Variants in HECTD2 observed in about 807,000 individuals in gnomAD.
HECTD2 encodes the protein HECT domain E3 ubiquitin protein ligase 2.
Under a neutral mutation model 103.2 loss-of-function variants are expected in HECTD2, and 35 were observed. The ratio of observed to expected loss-of-function variants is 0.34; its 90% CI spans 0.26 to 0.45. The LOEUF (loss-of-function observed/expected upper bound fraction) is 0.45. Among genes scored for constraint, HECTD2 ranks in the 20% least tolerant of loss-of-function variants. The probability of loss-of-function intolerance (pLI) is 1.00; values close to 1 mark genes in which losing one functional copy is unlikely to be tolerated. For missense variants in HECTD2, 596 were observed against 937.4 expected, an observed-to-expected ratio of 0.64 and a Z score of 4.76; for synonymous variants, 281 against 329.9, an observed-to-expected ratio of 0.85 and a Z score of 1.61.
chr10:91,457,967 A>G (rs778672081), intron 2 of HECTD2, among the ~76,000 whole-genome samples: 1 of 150,834 alleles, frequency 6.6e-6, no homozygotes, highest in Non-Finnish European at 1.5e-5. Flanking sequence ...AGACATACAG[A>G]TTAGAAAATA....
In HECTD2 at chr10:91,512,259, C is replaced by T. The variant is rs758434719; in HGVS notation, c.2211-5C>T. Reference sequence around the variant, plus strand: ...TTAGTATTTTTTTTTAATTTTTTTCCCTAGCTTACCTGTGGCCCATACCTG... The same window carrying T: ...TTAGTATTTTTTTTTAATTTTTTTCTCTAGCTTACCTGTGGCCCATACCTG... On this transcript the variant is annotated splice_region_variant and splice_polypyrimidine_tract_variant and intron_variant, in intron 20 of 20. Coordinates refer to ENST00000298068, the MANE Select transcript of HECTD2 (RefSeq NM_182765.6). 6.9e-6 allele frequency: 11 copies of T among 1,600,872 alleles called. No homozygotes were observed. The highest frequency in any genetic ancestry group is 2.3e-5 in the South Asian group (2 of 88,764).
chr10:91,455,231 G>T (rs1845030489), intron 2 of HECTD2, among the ~76,000 whole-genome samples: 1 of 152,116 alleles, frequency 6.6e-6, no homozygotes, highest in South Asian at 2.1e-4. Flanking sequence ...TCCAGCACCT[G>T]TTGTTCCCTG....
intron 1 of HECTD2, among the ~76,000 whole-genome samples, chr10:91,424,868 A>G (rs1268821104): frequency 6.6e-6 from 1 of 152,104 alleles, no homozygotes; most frequent in East Asian, 1.9e-4. Flanking sequence ...TCAGCCTGTA[A>G]GGTATCACAT....
intron 5 of HECTD2, among the ~76,000 whole-genome samples, chr10:91,476,458 G>A (rs1386216469): frequency 6.6e-6 from 1 of 152,316 alleles, no homozygotes; most frequent in East Asian, 1.9e-4. Context: ...CTCCCTGATG[G>A]ACTGGGAAGT....
chr10:91,410,313 CGGCGGCAGCGGCGGCTAGA>C, upstream of HECTD2: 1 of 375,806 alleles, frequency 2.7e-6, no homozygotes, highest in South Asian at 1.0e-4. Flanking sequence ...GGCGGAGTGG[CGGCGGCAGCGGCGGCTAGA>C]AGCGGCAGCC....
intron 5 of HECTD2, 189 bp downstream of exon 5, chr10:91,462,373 C>A: frequency 8.9e-7 from 1 of 1,120,368 alleles, no homozygotes; most frequent in Non-Finnish European, 1.2e-6. Context: ...ATGAATTAAG[C>A]AGCAAATACT....
Position 91,496,204 on chromosome 10 carries a change from G to A in HECTD2, c.1522-10G>A, listed in dbSNP as rs752773342. 1 of 1,587,832 alleles carries A rather than the reference G, an allele frequency of 6.3e-7. No homozygotes were observed. Among genetic ancestry groups the A allele is most frequent in the South Asian group, 1.1e-5 (1 of 87,144 alleles). On this transcript the variant is annotated splice_polypyrimidine_tract_variant and intron_variant, in intron 14 of 20. Transcript: ENST00000298068. ...ATTTTATGTTAATGCTTAACATTTA[G>A]TATGCATAGCTTATGGGACTAGCTG...
chr10:91,425,184 T>G (rs1299459326), intron 1 of HECTD2, 97 bp from the exon 2 acceptor site: 6 of 1,033,972 alleles, frequency 5.8e-6, no homozygotes, highest in Non-Finnish European at 6.5e-6. Flanking sequence ...CTACTCGTCA[T>G]CAAATTAAAA....
intron 20 of HECTD2, among the ~76,000 whole-genome samples, chr10:91,506,934 G>C (rs973286561): frequency 3.3e-5 from 5 of 149,858 alleles, no homozygotes; most frequent in African/African-American, 5.1e-5. Context: ...CCATGATCAA[G>C]TGGGCTTCAT....
Position 91,513,489 on chromosome 10 carries a change from T to C in HECTD2, c.*1105T>C, listed in dbSNP as rs1270490986. 1.3e-5 allele frequency: 2 copies of C among 152,590 alleles called. No individual in the cohort carries two copies. The highest frequency in any genetic ancestry group is 2.9e-5 in the Non-Finnish European group (2 of 68,016). The allele number at this position is 152,590 out of a possible 1,614,324, so 9.5% of individuals were successfully genotyped here. ...TTTGTTTTTCACTGGATTCTGAATA[T>C]AATAAATTCAAAGTACCCTTTTTTT... On this transcript the variant is annotated 3_prime_UTR_variant, in exon 21 of 21. Coordinates refer to ENST00000298068, the MANE Select transcript of HECTD2 (RefSeq NM_182765.6).
chr10:91,504,818 A>G (rs1375451961), intron 20 of HECTD2, among the ~76,000 whole-genome samples: 4 of 151,946 alleles, frequency 2.6e-5, no homozygotes, highest in African/African-American at 9.7e-5. Flanking sequence ...TCCAAGACAC[A>G]TAATTGTCAG....
rs1435322856 is a variant in HECTD2 at position 91,485,085 on chromosome 10, A to C, written c.971-95A>C. ...ATTTAAAATAGGAGTTTCTAGGTCAAGGCTGTCTTGTAGACATTAAAATGA... is the reference window on the plus strand; with the variant it reads ...ATTTAAAATAGGAGTTTCTAGGTCACGGCTGTCTTGTAGACATTAAAATGA... On this transcript the variant is annotated intron_variant, in intron 9 of 20. Transcript: ENST00000298068. 3.7e-6 allele frequency: 3 copies of C among 814,540 alleles called. No individual in the cohort carries two copies. In the African/African-American group the frequency reaches 5.4e-5, roughly 15 times the overall value. 50.5% of individuals were successfully genotyped at this position (814,540 alleles called of 1,614,324 possible). A position where few individuals can be genotyped will look rare whatever the true frequency, so the allele number is the denominator to read the frequency against.
In HECTD2 at chr10:91,428,718, C is replaced by T. The variant is rs1436864591; in HGVS notation, c.268+3308C>T. Among the ~76,000 whole-genome samples, 4 of 151,966 alleles carry T rather than the reference C, an allele frequency of 2.6e-5. No individual in the cohort carries two copies. In the East Asian group the frequency reaches 7.7e-4, roughly 29 times the overall value. ...TATAAGAATGCTTGTGATTTTTGTA[C>T]ATTGATTTTGTATCCTGAGACTTTG... On this transcript the variant is annotated intron_variant, in intron 2 of 20. Coordinates refer to ENST00000298068, the MANE Select transcript of HECTD2 (RefSeq NM_182765.6).
rs1231872145 is a variant in HECTD2 at position 91,480,997 on chromosome 10, C to T, written c.666-97C>T. The T allele has an allele frequency of 3.2e-5, 23 of 727,214 alleles. No homozygotes were observed. In the South Asian group the frequency reaches 4.0e-4, roughly 13 times the overall value. 45.0% of individuals were successfully genotyped at this position (727,214 alleles called of 1,614,324 possible). A position where few individuals can be genotyped will look rare whatever the true frequency, so the allele number is the denominator to read the frequency against. The stretch of plus-strand genomic sequence containing the variant: ...ATTAATCCTAGTTTTTGGCTTTTCT[C>T]AACTCAGTCTTCATAGAAAAGTTTA... On this transcript the variant is annotated intron_variant, in intron 6 of 20. Coordinates refer to ENST00000298068, the MANE Select transcript of HECTD2 (RefSeq NM_182765.6).
At chr10:91,485,142 G>T in intron 9 of HECTD2, 38 bp from the exon 10 acceptor site, 1 of 1,419,544 alleles carries the variant, frequency 7.0e-7, no homozygotes, top group Non-Finnish European at 9.6e-7. Flanking sequence ...TCTTGTACAT[G>T]TTGGAAAAAG....
At chr10:91,497,605 G>A (rs1358006092) in intron 15 of HECTD2, among the ~76,000 whole-genome samples, 2 of 151,764 alleles carry the variant, frequency 1.3e-5, no homozygotes, top group African/African-American at 4.8e-5. Flanking sequence ...CACCGTGCCC[G>A]GCTAACCAGA....
intron 5 of HECTD2, among the ~76,000 whole-genome samples, chr10:91,468,953 AAAAAC>A (rs1426594481): frequency 2.0e-5 from 3 of 151,718 alleles, no homozygotes; most frequent in Non-Finnish European, 1.5e-5. Flanking sequence ...AAAAAAAAAA[AAAAAC>A]AAGAGTACAG....
intron 5 of HECTD2, 144 bp downstream of exon 5, chr10:91,462,328 A>G: frequency 8.9e-7 from 1 of 1,122,754 alleles, no homozygotes; most frequent in Non-Finnish European, 1.2e-6. Flanking sequence ...GAATTCTCAT[A>G]AAGTTAGATT....
chr10:91,433,298 A>G (rs1843972711), intron 2 of HECTD2, among the ~76,000 whole-genome samples: 1 of 151,962 alleles, frequency 6.6e-6, no homozygotes, highest in Non-Finnish European at 1.5e-5. Context: ...AAAAATAAAT[A>G]TGTTTCAGAC....
Sources: allele counts gnomAD v4.1 joint callset (sites outside exome capture counted in the v4.1 genomes callset), GRCh38; gene constraint gnomAD v4.1.1; transcripts MANE v1.5; gene names NCBI Gene and HGNC (gene_info 2026-07-23, HGNC 2026-07-21).